SCO1: variants seen among roughly 807,000 people sequenced by gnomAD.
The protein encoded by SCO1 is synthesis of cytochrome C oxidase 1, also known as cytochrome c oxidase assembly factor SCO1.
In SCO1, 23 loss-of-function variants were observed where a neutral mutation model predicts 34.0. The ratio of observed to expected loss-of-function variants is 0.68; its 90% CI spans 0.49 to 0.96. The LOEUF is 0.96. SCO1 is among the 40% of genes least tolerant of loss of function. The pLI, the probability that SCO1 is intolerant of heterozygous loss-of-function variation, is 0.00. For synonymous variants in SCO1, 161 were observed against 145.5 expected, an observed-to-expected ratio of 1.11 and a Z score of -0.77; for missense variants, 404 against 381.6, an observed-to-expected ratio of 1.06 and a Z score of -0.49.
intron 4 of SCO1, among the ~76,000 whole-genome samples, chr17:10,689,103 G>T (rs1423161664): frequency 9.7e-6 from 1 of 103,554 alleles, no homozygotes; most frequent in South Asian, 2.9e-4. Flanking sequence ...GCGACAGAGC[G>T]AGACTCCGTC....
intron 5 of SCO1, chr17:10,683,939 T>C (rs1251841882): frequency 6.6e-6 from 1 of 152,192 alleles, no homozygotes; most frequent in Non-Finnish European, 1.5e-5. Flanking sequence ...CTGCAGGTCC[T>C]TAAATGATAA....
Position 10,697,429 on chromosome 17 carries a change from G to C in SCO1, c.79C>G (p.Leu27Val). The C allele has an allele frequency of 6.2e-7, 1 of 1,611,834 alleles. No homozygotes were observed. Among genetic ancestry groups the C allele is most frequent in the South Asian group, 1.1e-5 (1 of 90,702 alleles). ...CCCTCGGCTGGGCCCCAAAACTCGA[G>C]TCCGCGAGGCAAGAAGCGCCAAAGT... ...GQLWRFLPRG[L>V]EFWGPAEGTA... The change falls in exon 1 of 6, where the codon CTC becomes GTC. Residue 27 changes from leucine to valine, a missense_variant. Leu to Val is a conservative substitution (Grantham distance 32, BLOSUM62 1). Coordinates refer to ENST00000255390, the MANE Select transcript of SCO1 (RefSeq NM_004589.4).
rs1317794816 is a variant in SCO1 at position 10,675,405 on chromosome 17, C to T, written c.*5714G>A. 1 of 152,296 alleles carries T rather than the reference C, an allele frequency of 6.6e-6. No individual in the cohort carries two copies. Among genetic ancestry groups the T allele is most frequent in the African/African-American group, 2.4e-5 (1 of 41,476 alleles). The allele number at this position is 152,296 out of a possible 1,614,324, so 9.4% of individuals were successfully genotyped here. A position where few individuals can be genotyped will look rare whatever the true frequency, so the allele number is the denominator to read the frequency against. On this transcript the variant is annotated 3_prime_UTR_variant, in exon 6 of 6. Coordinates refer to ENST00000255390, the MANE Select transcript of SCO1 (RefSeq NM_004589.4). ...GCTGTCCAATGCATTCTCCACATCA[C>T]AGACTTGCTTTCTTTCAAGACTGCC...
chr17:10,696,081 A>T (rs1057371563), intron 1 of SCO1, among the ~76,000 whole-genome samples: 3 of 150,048 alleles, frequency 2.0e-5, no homozygotes, highest in Non-Finnish European at 4.5e-5. Context: ...TAAAAAAAAA[A>T]AAAAAAAAAA....
At position 10,673,390 on chromosome 17, in the gene SCO1, A is replaced by T. The variant is rs1206769621; in HGVS notation, c.*7729T>A. ...CAGTGAATGACTGTCTTGTGCTGTG[A>T]TCCCGCACGTTCCCGACAGGGCTTT... On this transcript the variant is annotated 3_prime_UTR_variant, in exon 6 of 6. Transcript: ENST00000255390. 2 of 152,294 alleles carry T rather than the reference A, an allele frequency of 1.3e-5. No homozygotes were observed. The highest frequency in any genetic ancestry group is 4.8e-5 in the African/African-American group (2 of 41,562). 9.4% of individuals were successfully genotyped at this position (152,294 alleles called of 1,614,324 possible). A position where few individuals can be genotyped will look rare whatever the true frequency, so the allele number is the denominator to read the frequency against.
At position 10,677,366 on chromosome 17, in the gene SCO1, T is replaced by C. The variant is rs1306153120; in HGVS notation, c.*3753A>G. 6.6e-6 allele frequency: 1 copy of C among 152,030 alleles called. No individual in the cohort carries two copies. The highest frequency in any genetic ancestry group is 1.5e-5 in the Non-Finnish European group (1 of 67,990). 9.4% of individuals were successfully genotyped at this position (152,030 alleles called of 1,614,324 possible). ...AAACCAAAAAAAAGTACAAACTAAT[T>C]GGGTAACAAATGCTCGCATGGGTGA... On this transcript the variant is annotated 3_prime_UTR_variant, in exon 6 of 6. Transcript: ENST00000255390.
rs538113638 is a variant in SCO1 at position 10,679,257 on chromosome 17, T to C, written c.*1862A>G. The stretch of plus-strand genomic sequence containing the variant: ...GCCACTGTGCCCAGCTAATCTATTA[T>C]TTTAAGAACACCAGTCATATAGAAT... On this transcript the variant is annotated 3_prime_UTR_variant, in exon 6 of 6. Transcript: ENST00000255390. The C allele has an allele frequency of 6.6e-6, 1 of 152,306 alleles. No individual in the cohort carries two copies. Among genetic ancestry groups the C allele is most frequent in the South Asian group, 2.1e-4 (1 of 4,814 alleles). The allele number at this position is 152,306 out of a possible 1,614,324, so 9.4% of individuals were successfully genotyped here. A position where few individuals can be genotyped will look rare whatever the true frequency, so the allele number is the denominator to read the frequency against.
intron 4 of SCO1, among the ~76,000 whole-genome samples, chr17:10,690,557 GAACA>G (rs1488128717): frequency 1.3e-5 from 2 of 152,134 alleles, no homozygotes; most frequent in African/African-American, 4.8e-5. Flanking sequence ...CAATGATTCA[GAACA>G]AAGATACCTC....
intron 5 of SCO1, chr17:10,684,015 T>C (rs910217806): frequency 2.0e-5 from 3 of 152,166 alleles, no homozygotes; most frequent in South Asian, 2.1e-4. Context: ...GTCATACTAA[T>C]GAAAAACCTA....
chr17:10,692,497 T>C (rs1350364235), intron 3 of SCO1, among the ~76,000 whole-genome samples: 2 of 152,186 alleles, frequency 1.3e-5, no homozygotes, highest in African/African-American at 4.8e-5. Context: ...GCAGCATCAG[T>C]GATGCAAAGG....
At chr17:10,683,793 T>C (rs533590281) in intron 5 of SCO1, 1 of 151,938 alleles carries the variant, frequency 6.6e-6, no homozygotes, top group South Asian at 2.1e-4. Flanking sequence ...TTCCAAATAT[T>C]TGGTATACCC....
chr17:10,691,708 G>A (rs959453926), intron 4 of SCO1, among the ~76,000 whole-genome samples, 164 bp downstream of exon 4: 1 of 152,110 alleles, frequency 6.6e-6, no homozygotes, highest in Non-Finnish European at 1.5e-5. Flanking sequence ...TCTTACTTAC[G>A]CACTAACTAT....
Position 10,674,473 on chromosome 17 carries a change from A to G in SCO1, c.*6646T>C, listed in dbSNP as rs539558438. 5 of 263,266 alleles carry G rather than the reference A, an allele frequency of 1.9e-5. No individual in the cohort carries two copies. The highest frequency in any genetic ancestry group is 3.7e-5 in the South Asian group (1 of 26,990). The allele number at this position is 263,266 out of a possible 1,614,324, so 16.3% of individuals were successfully genotyped here. On this transcript the variant is annotated 3_prime_UTR_variant, in exon 6 of 6. Transcript: ENST00000255390. ...AAAAAAACAGACTGTGATTGAGGAG[A>G]GCTGGAGTGGAGCCTGAGAAGCTGC...
At chr17:10,694,281 G>A (rs1298498315) in intron 2 of SCO1, among the ~76,000 whole-genome samples, 4 of 152,094 alleles carry the variant, frequency 2.6e-5, no homozygotes, top group African/African-American at 9.7e-5. Context: ...TTAAAGCCTG[G>A]GAAACTGTTA....
At chr17:10,689,041 G>A (rs1049440982) in intron 4 of SCO1, among the ~76,000 whole-genome samples, 3 of 147,492 alleles carry the variant, frequency 2.0e-5, no homozygotes, top group Non-Finnish European at 4.4e-5. Context: ...GCGTGAACCC[G>A]GGAGGCGGAG....
intron 4 of SCO1, among the ~76,000 whole-genome samples, chr17:10,691,617 T>C (rs1726915231): frequency 6.6e-6 from 1 of 152,244 alleles, no homozygotes; most frequent in Non-Finnish European, 1.5e-5. Flanking sequence ...ATTAACTTAG[T>C]TGATACATGA....
At chr17:10,682,364 C>T (rs2074627377) in intron 5 of SCO1, among the ~76,000 whole-genome samples, 1 of 152,078 alleles carries the variant, frequency 6.6e-6, no homozygotes, top group Non-Finnish European at 1.5e-5. Flanking sequence ...GAATGTACAC[C>T]AAAAGAGCGC....
rs1488762318 is a variant in SCO1 at position 10,672,840 on chromosome 17, A to C, written c.*8279T>G. The stretch of plus-strand genomic sequence containing the variant: ...TATTTATTATAGATTCTGTGTGGTT[A>C]TTGTGAATTTAGTAATTTTTAAATA... On this transcript the variant is annotated 3_prime_UTR_variant, in exon 6 of 6. Coordinates refer to ENST00000255390, the MANE Select transcript of SCO1 (RefSeq NM_004589.4). 1.3e-5 allele frequency: 2 copies of C among 152,108 alleles called. No homozygotes were observed. Among genetic ancestry groups the C allele is most frequent in the African/African-American group, 4.8e-5 (2 of 41,422 alleles). The allele number at this position is 152,108 out of a possible 1,614,324, so 9.4% of individuals were successfully genotyped here. A position where few individuals can be genotyped will look rare whatever the true frequency, so the allele number is the denominator to read the frequency against.
rs2074698132 is a variant in SCO1 at position 10,692,853 on chromosome 17, T to C, written c.473A>G (p.Gln158Arg). The C allele has an allele frequency of 6.2e-7, 1 of 1,614,058 alleles. No individual in the cohort carries two copies. Among genetic ancestry groups the C allele is most frequent in the African/African-American group, 1.3e-5 (1 of 74,940 alleles). Residue 158 changes from glutamine (Q) to arginine (R), a missense_variant, in exon 3 of 6, where the codon CAG (glutamine) becomes CGG (arginine). Transcript: ENST00000255390. ...ERKTDKDYLG[Q>R]WLLIYFGFTH... The stretch of plus-strand genomic sequence containing the variant: ...GAAGCCAAAATAAATCAATAACCAC[T>C]GACCCAAGTAGTCCTTGTCAGTTTT...
Sources: gnomAD v4.1 joint callset for allele counts (sites outside exome capture counted in the v4.1 genomes callset) on GRCh38, gnomAD v4.1.1 for gene constraint, MANE v1.5 for transcripts, NCBI Gene and HGNC (gene_info 2026-07-23, HGNC 2026-07-21) for gene names.